THSD7B: variants seen among roughly 807,000 people sequenced by gnomAD.
THSD7B encodes the protein thrombospondin type-1 domain-containing protein 7B.
In THSD7B, 138 loss-of-function variants were observed where a neutral mutation model predicts 213.6. The ratio of observed to expected loss-of-function variants is 0.65; its 90% confidence interval spans 0.56 to 0.74. THSD7B has a LOEUF of 0.74. Among genes scored for constraint, THSD7B ranks in the 30% least tolerant of loss-of-function variants. The pLI, the probability that THSD7B is intolerant of heterozygous loss-of-function variation, is 0.00. For missense variants in THSD7B, 1,931 were observed against 1,991.5 expected (o/e 0.97, Z 0.58); for synonymous variants, 742 against 687.0 (o/e 1.08, Z -1.25).
intron 2 of THSD7B, among the ~76,000 whole-genome samples, chr2:136,945,499 G>T (rs1684920983): frequency 6.6e-6 from 1 of 152,120 alleles, no homozygotes. Context: ...TGTATTTCCT[G>T]AGTTTGAATG....
chr2:137,174,907 C>A (rs1033958117), intron 7 of THSD7B, among the ~76,000 whole-genome samples: 2 of 152,128 alleles, frequency 1.3e-5, no homozygotes, highest in African/African-American at 4.8e-5. Flanking sequence ...GAGTGAGATT[C>A]AAAAATGCAA....
At chr2:137,652,673 A>G (rs572338474) in intron 21 of THSD7B, among the ~76,000 whole-genome samples, 20 of 152,164 alleles carry the variant, frequency 1.3e-4, no homozygotes, top group Admixed American at 5.9e-4. Context: ...TTTCTCTGGT[A>G]GTATGTTTTA....
intron 4 of THSD7B, among the ~76,000 whole-genome samples, chr2:137,096,134 A>G (rs951896049): frequency 2.2e-4 from 33 of 152,124 alleles, no homozygotes; most frequent in African/African-American, 6.5e-4. Context: ...TCTGTTAGGG[A>G]TGAATTTGTG....
intron 12 of THSD7B, among the ~76,000 whole-genome samples, chr2:137,299,403 T>G (rs1683545828): frequency 1.3e-5 from 2 of 152,122 alleles, no homozygotes; most frequent in African/African-American, 4.8e-5. Flanking sequence ...TTTGAGTTAA[T>G]GCTGAAATGA....
chr2:137,013,930 G>A (rs1423656810), intron 2 of THSD7B, among the ~76,000 whole-genome samples: 1 of 152,180 alleles, frequency 6.6e-6, no homozygotes, highest in Non-Finnish European at 1.5e-5. Context: ...ATTCATGTTG[G>A]TGAAACAGAG....
intron 2 of THSD7B, among the ~76,000 whole-genome samples, chr2:136,998,282 GAAAGAAAA>G (rs1685932985): frequency 8.9e-6 from 1 of 112,720 alleles, no homozygotes; most frequent in African/African-American, 3.3e-5. Flanking sequence ...AAAAAAAAAA[GAAAGAAAA>G]AAAGAAAAGA....
chr2:137,432,404 TAAAAATA>T (rs1381413568), intron 14 of THSD7B, among the ~76,000 whole-genome samples: 1 of 151,892 alleles, frequency 6.6e-6, no homozygotes. Context: ...ATAAAATAAA[TAAAAATA>T]AAAAATAAAA....
chr2:136,877,440 A>G (rs751897485), intron 1 of THSD7B, among the ~76,000 whole-genome samples: 6 of 152,194 alleles, frequency 3.9e-5, no homozygotes, highest in Non-Finnish European at 5.9e-5. Context: ...CTCTTGGAGA[A>G]AAAAACCATT....
At chr2:137,097,363 T>C (rs960721940) in intron 4 of THSD7B, among the ~76,000 whole-genome samples, 1 of 152,174 alleles carries the variant, frequency 6.6e-6, no homozygotes, top group Non-Finnish European at 1.5e-5. Context: ...TGGCCAATAA[T>C]TATAGCAGAG....
At chr2:137,224,764 C>T (rs1182066376) in intron 7 of THSD7B, among the ~76,000 whole-genome samples, 3 of 152,042 alleles carry the variant, frequency 2.0e-5, no homozygotes, top group African/African-American at 4.8e-5. Flanking sequence ...CTCCGCCTCC[C>T]GGGTTCACGC....
intron 17 of THSD7B, among the ~76,000 whole-genome samples, chr2:137,615,204 C>G (rs1000560759): frequency 1.3e-5 from 2 of 152,104 alleles, no homozygotes; most frequent in Non-Finnish European, 2.9e-5. Flanking sequence ...GATGAAGAAA[C>G]AGAATGGCGA....
At chr2:137,441,082 C>G (rs1687399219) in intron 14 of THSD7B, among the ~76,000 whole-genome samples, 1 of 152,108 alleles carries the variant, frequency 6.6e-6, no homozygotes. Flanking sequence ...TCACAACGAG[C>G]TAATTATAAG....
intron 12 of THSD7B, among the ~76,000 whole-genome samples, chr2:137,402,646 A>G (rs13388381): frequency 0.2 from 30,599 of 151,714 alleles, 3,355 homozygotes; most frequent in South Asian, 0.27. Context: ...ATGAAACCCC[A>G]TCTCTACTAA....
intron 12 of THSD7B, among the ~76,000 whole-genome samples, chr2:137,289,581 A>G (rs1459555789): frequency 6.6e-6 from 1 of 152,152 alleles, no homozygotes; most frequent in African/African-American, 2.4e-5. Context: ...TGATTTGGCA[A>G]TTGAGTAGCT....
At chr2:137,076,965 T>C (rs1404072921) in intron 3 of THSD7B, among the ~76,000 whole-genome samples, 1 of 117,900 alleles carries the variant, frequency 8.5e-6, no homozygotes, top group Non-Finnish European at 1.7e-5. Context: ...CCTAATGCTA[T>C]CCCTCCCCCC....
chr2:136,823,473 C>A (rs991831647), intron 1 of THSD7B, among the ~76,000 whole-genome samples: 1 of 152,154 alleles, frequency 6.6e-6, no homozygotes, highest in Non-Finnish European at 1.5e-5. Flanking sequence ...CCTTTTCTCC[C>A]CGTGTCTCTC....
At chr2:137,375,670 G>T (rs1398278635) in intron 12 of THSD7B, among the ~76,000 whole-genome samples, 1 of 152,154 alleles carries the variant, frequency 6.6e-6, no homozygotes, top group Admixed American at 6.6e-5. Flanking sequence ...TCAAGTTTGA[G>T]ATTCTAGAAC....
intron 2 of THSD7B, among the ~76,000 whole-genome samples, chr2:136,983,350 G>GACAGACAC (rs1553462379): frequency 7.5e-5 from 4 of 53,080 alleles, no homozygotes; most frequent in African/African-American, 3.1e-4. Context: ...CACACACACA[G>GACAGACAC]ACACACAGAC....
intron 2 of THSD7B, among the ~76,000 whole-genome samples, chr2:137,054,634 T>A (rs887239328): frequency 6.6e-6 from 1 of 152,162 alleles, no homozygotes; most frequent in Non-Finnish European, 1.5e-5. Context: ...TAAACATCAT[T>A]TGGGGAAGCT....
Sources: allele counts gnomAD v4.1 joint callset (sites outside exome capture counted in the v4.1 genomes callset), GRCh38; gene constraint gnomAD v4.1.1; transcripts MANE v1.5; gene names NCBI Gene and HGNC (gene_info 2026-07-23, HGNC 2026-07-21).